The following TNFAIP8 variants were observed in gnomAD, a reference collection of about 807,000 sequenced individuals.
TNFAIP8 encodes the protein tumor necrosis factor alpha-induced protein 8.
In TNFAIP8, 7 loss-of-function variants were observed where a neutral mutation model predicts 13.3. The ratio of observed to expected loss-of-function variants is 0.52; its 90% CI spans 0.30 to 0.99. The LOEUF is 0.99. Among genes scored for constraint, TNFAIP8 ranks in the 50% least tolerant of loss-of-function variants. The probability of loss-of-function intolerance (pLI) is 0.07; values close to 1 mark genes in which losing one functional copy is unlikely to be tolerated. For synonymous variants in TNFAIP8, 94 were observed against 87.6 expected (o/e 1.07, Z -0.41); for missense variants, 258 against 236.9 (o/e 1.09, Z -0.58).
intron 1 of TNFAIP8, among the ~76,000 whole-genome samples, chr5:119,340,609 A>T (rs181058696): frequency 4.6e-5 from 7 of 152,258 alleles, no homozygotes; most frequent in African/African-American, 1.7e-4. Flanking sequence ...TCCTTTGAGC[A>T]TTAGCTTTCC....
chr5:119,383,566 A>T (rs553020038), intron 1 of TNFAIP8, among the ~76,000 whole-genome samples: 1 of 152,220 alleles, frequency 6.6e-6, no homozygotes, highest in Non-Finnish European at 1.5e-5. Context: ...ACACATATAC[A>T]GTTTATATTC....
chr5:119,365,498 G>T (rs149884372), intron 1 of TNFAIP8, among the ~76,000 whole-genome samples: 12 of 152,170 alleles, frequency 7.9e-5, no homozygotes, highest in African/African-American at 2.9e-4. Context: ...TCACTCAGGA[G>T]GTACTGTATA....
chr5:119,389,192 A>G (rs564397030), intron 1 of TNFAIP8, among the ~76,000 whole-genome samples: 1 of 152,326 alleles, frequency 6.6e-6, no homozygotes, highest in Admixed American at 6.5e-5. Context: ...TTGAGATCAT[A>G]AAGAGTGAAA....
At chr5:119,314,542 C>A (rs1342360870) in intron 1 of TNFAIP8, among the ~76,000 whole-genome samples, 7 of 152,210 alleles carry the variant, frequency 4.6e-5, no homozygotes, top group Non-Finnish European at 7.3e-5. Context: ...ACAAACTTTT[C>A]TTCTAACCTT....
rs1012887308 is a variant in TNFAIP8, at chr5:119,392,731, T to A, written c.32-85T>A. The A allele has an allele frequency of 7.2e-6, 10 of 1,382,476 alleles. No homozygotes were observed. In the African/African-American group the frequency reaches 1.5e-4, roughly 20 times the overall value. 85.6% of individuals were successfully genotyped at this position (1,382,476 alleles called of 1,614,324 possible). A position where few individuals can be genotyped will look rare whatever the true frequency, so the allele number is the denominator to read the frequency against. On this transcript the variant is annotated intron_variant, in intron 1 of 1. Transcript: ENST00000504771. ...ATGGTGGGAAAATGAGGAAAAAAAG[T>A]GCTCCCAAATACCTGTTTTTAGTTC...
In TNFAIP8 at chr5:119,283,691, G is replaced by A. The variant is rs75012050; in HGVS notation, c.1+14784G>A. ...CCTTGTCAGTGCCCTGAAGTAAGGA[G>A]TTGTAGAGTTGGGCTCTTCTCTGCT... On this transcript the variant is annotated intron_variant, in intron 1 of 1. Coordinates refer to the TNFAIP8 transcript ENST00000274456. Among the ~76,000 whole-genome samples the A allele has an allele frequency of 2.1e-3, 313 of 152,236 alleles. 1 individual carries two copies. Among genetic ancestry groups the A allele is most frequent in the African/African-American group, 7.1e-3 (296 of 41,534 alleles).
Position 119,366,779 on chromosome 5 carries a change from G to A in TNFAIP8, c.31+10658G>A, listed in dbSNP as rs1049270559. On this transcript the variant is annotated intron_variant, in intron 1 of 1. Transcript: ENST00000504771. The stretch of plus-strand genomic sequence containing the variant: ...GATTTCAGGCAGAGGATTTTTAGGG[G>A]TAGAACTGGTTTAAATTATTTGGCT... Among the ~76,000 whole-genome samples the A allele has an allele frequency of 2.0e-5, 3 of 152,172 alleles. No individual in the cohort carries two copies. In the South Asian group the frequency reaches 6.2e-4, roughly 31 times the overall value.
chr5:119,276,728 A>G (rs1462221219), intron 1 of TNFAIP8, among the ~76,000 whole-genome samples: 1 of 152,106 alleles, frequency 6.6e-6, no homozygotes, highest in East Asian at 1.9e-4. Context: ...TTAGGGTCCC[A>G]CCCTTATGAT....
intron 1 of TNFAIP8, among the ~76,000 whole-genome samples, chr5:119,285,347 A>T (rs1159832309): frequency 6.6e-6 from 1 of 152,210 alleles, no homozygotes; most frequent in African/African-American, 2.4e-5. Flanking sequence ...AAGCATGGGA[A>T]CCAGGGAGTC....
intron 1 of TNFAIP8, among the ~76,000 whole-genome samples, chr5:119,312,469 A>G (rs547236909): frequency 2.0e-4 from 30 of 152,350 alleles, no homozygotes; most frequent in African/African-American, 5.8e-4. Flanking sequence ...CATTAGAAAA[A>G]AAGAAAATAG....
At chr5:119,335,870 A>AT (rs1453321619) in intron 1 of TNFAIP8, among the ~76,000 whole-genome samples, 2 of 151,486 alleles carry the variant, frequency 1.3e-5, no homozygotes, top group East Asian at 2.0e-4. Flanking sequence ...GGAAATAGGG[A>AT]TTGTTGCAGG....
At chr5:119,364,841 GTTTTTTTTTTTTT>G (rs10714712) in intron 1 of TNFAIP8, among the ~76,000 whole-genome samples, 5 of 88,710 alleles carry the variant, frequency 5.6e-5, no homozygotes, top group Admixed American at 3.8e-4. Flanking sequence ...TTTCTTTTCA[GTTTTTTTTTTTTT>G]TTTTTTTTTT....
chr5:119,373,739 G>A (rs970922638), intron 1 of TNFAIP8, among the ~76,000 whole-genome samples: 1 of 152,274 alleles, frequency 6.6e-6, no homozygotes, highest in South Asian at 2.1e-4. Context: ...ATTTTAGGAG[G>A]TCCCAGGTAT....
chr5:119,280,008 T>G (rs1748579268), intron 1 of TNFAIP8, among the ~76,000 whole-genome samples: 1 of 152,240 alleles, frequency 6.6e-6, no homozygotes, highest in Non-Finnish European at 1.5e-5. Flanking sequence ...AGTTGGCTAC[T>G]GTGCTGATAT....
chr5:119,386,419 CA>C (rs1752675383), intron 1 of TNFAIP8, among the ~76,000 whole-genome samples: 1 of 152,152 alleles, frequency 6.6e-6, no homozygotes, highest in South Asian at 2.1e-4. Context: ...CAGTTTTCTA[CA>C]ATTTACAGAG....
At chr5:119,368,284 G>A (rs766716950) in intron 1 of TNFAIP8, among the ~76,000 whole-genome samples, 6 of 151,646 alleles carry the variant, frequency 4.0e-5, no homozygotes, top group Admixed American at 1.3e-4. Flanking sequence ...TTGGCATCTT[G>A]TTGCCTACAG....
At chr5:119,325,123 G>T (rs1000924794) in intron 1 of TNFAIP8, among the ~76,000 whole-genome samples, 2 of 152,018 alleles carry the variant, frequency 1.3e-5, no homozygotes, top group African/African-American at 4.8e-5. Context: ...ATATGGATGT[G>T]CCATAATTTA....
chr5:119,293,832 A>T (rs1411527878), intron 1 of TNFAIP8, among the ~76,000 whole-genome samples: 3 of 152,184 alleles, frequency 2.0e-5, no homozygotes, highest in Non-Finnish European at 1.5e-5. Flanking sequence ...TTCTACTTTC[A>T]TGAATGCTTG....
chr5:119,367,993 A>G (rs1298200969), intron 1 of TNFAIP8, among the ~76,000 whole-genome samples: 2 of 152,184 alleles, frequency 1.3e-5, no homozygotes. Flanking sequence ...TCTCCTTGTT[A>G]TCTCTTTCAT....
Sources: allele counts gnomAD v4.1 joint callset (sites outside exome capture counted in the v4.1 genomes callset), GRCh38; gene constraint gnomAD v4.1.1; transcripts MANE v1.5; gene names NCBI Gene and HGNC (gene_info 2026-07-23, HGNC 2026-07-21).